CTBP2: variants seen among roughly 807,000 people sequenced by gnomAD.
CTBP2 encodes the protein C-terminal-binding protein 2.
A neutral mutation model predicts 80.3 loss-of-function variants in CTBP2; 30 were observed. The observed-to-expected ratio is 0.37, with a 90% CI of 0.28 to 0.51. The LOEUF (loss-of-function observed/expected upper bound fraction) is 0.51. Among genes scored for constraint, CTBP2 ranks in the 20% least tolerant of loss-of-function variants. The pLI is 0.93. For synonymous variants in CTBP2, 594 were observed against 587.4 expected, an observed-to-expected ratio of 1.01 and a Z score of -0.16; for missense variants, 1,212 against 1,375.3, an observed-to-expected ratio of 0.88 and a Z score of 1.88.
chr10:125,092,431 C>T (rs1234116808), intron 2 of CTBP2, among the ~76,000 whole-genome samples: 1 of 152,086 alleles, frequency 6.6e-6, no homozygotes, highest in Non-Finnish European at 1.5e-5. Flanking sequence ...TCCATCCTGC[C>T]TCCACCTCCC....
At chr10:125,025,622 G>A (rs566626430) in intron 1 of CTBP2, among the ~76,000 whole-genome samples, 3 of 152,272 alleles carry the variant, frequency 2.0e-5, no homozygotes, top group South Asian at 2.1e-4. Context: ...TGAGAGGTAC[G>A]TTTCCACACG....
chr10:125,157,980 C>T (rs1263811216), intron 1 of CTBP2, among the ~76,000 whole-genome samples: 2 of 152,176 alleles, frequency 1.3e-5, no homozygotes, highest in East Asian at 3.8e-4. Context: ...CTCTACGATA[C>T]AGTCTCTGCT....
At chr10:125,017,466 G>C (rs1448881169) in intron 1 of CTBP2, among the ~76,000 whole-genome samples, 3 of 152,170 alleles carry the variant, frequency 2.0e-5, no homozygotes, top group Non-Finnish European at 4.4e-5. Context: ...CTTGTGTACA[G>C]GATTGCACGG....
At chr10:125,151,730 G>C (rs1222784342) in intron 1 of CTBP2, among the ~76,000 whole-genome samples, 2 of 152,210 alleles carry the variant, frequency 1.3e-5, no homozygotes, top group Non-Finnish European at 2.9e-5. Flanking sequence ...TCGAGTGCGG[G>C]CTGGGGGCCA....
chr10:125,038,501 A>G (rs1959117177), intron 3 of CTBP2, among the ~76,000 whole-genome samples: 1 of 152,126 alleles, frequency 6.6e-6, no homozygotes, highest in Non-Finnish European at 1.5e-5. Flanking sequence ...GATTTTAATT[A>G]TGTTTATTTT....
At chr10:125,003,755 C>G (rs994192536) in intron 1 of CTBP2, among the ~76,000 whole-genome samples, 1 of 152,166 alleles carries the variant, frequency 6.6e-6, no homozygotes, top group Non-Finnish European at 1.5e-5. Flanking sequence ...AGCCTCAGGA[C>G]CATGGGGCCC....
At chr10:125,064,443 C>T (rs1203230463) in intron 2 of CTBP2, among the ~76,000 whole-genome samples, 2 of 152,090 alleles carry the variant, frequency 1.3e-5, no homozygotes, top group African/African-American at 4.8e-5. Flanking sequence ...AAACAGCGTT[C>T]TTGGTGAGGA....
chr10:125,003,474 A>G lies in CTBP2; in HGVS notation c.1697T>C (p.Met566Thr), dbSNP rs1589996423. The G allele has an allele frequency of 6.4e-7, 1 of 1,569,822 alleles. No individual in the cohort carries two copies. Among genetic ancestry groups the G allele is most frequent in the East Asian group, 2.3e-5 (1 of 44,224 alleles). Reference sequence around the variant, plus strand: ...GGGGCGGGGGTGCAGGGGGCCGTTCATGATCTGGGGGCGGATACCTGCCAG... The same window carrying G: ...GGGGCGGGGGTGCAGGGGGCCGTTCGTGATCTGGGGGCGGATACCTGCCAG... Residue 566 changes from methionine (M) to threonine (T), a missense_variant, in exon 2 of 9, where the codon ATG becomes ACG. Physicochemically the swap from Met to Thr is moderately conservative, Grantham distance 81. This residue lies in a region of CTBP2 where 29 missense variants were observed against 88.3 expected (regional missense o/e 0.33). Transcript: ENST00000309035.
chr10:125,117,867 A>G (rs1853599486), intron 1 of CTBP2, among the ~76,000 whole-genome samples: 1 of 152,256 alleles, frequency 6.6e-6, no homozygotes. Flanking sequence ...GAGGCACTTC[A>G]GGTGAAATCA....
chr10:125,079,078 C>G (rs559556239), intron 2 of CTBP2, among the ~76,000 whole-genome samples: 1 of 142,540 alleles, frequency 7.0e-6, no homozygotes, highest in South Asian at 2.2e-4. Flanking sequence ...ACCCAGGAGG[C>G]AAAGGTTGCA....
intron 1 of CTBP2, among the ~76,000 whole-genome samples, chr10:125,146,401 C>T (rs939178202): frequency 5.9e-5 from 9 of 151,788 alleles, no homozygotes; most frequent in African/African-American, 1.9e-4. Context: ...CTGCCTCAGA[C>T]TCCCAAATAG....
At chr10:125,068,537 C>G (rs1844986375) in intron 2 of CTBP2, among the ~76,000 whole-genome samples, 1 of 152,178 alleles carries the variant, frequency 6.6e-6, no homozygotes, top group Non-Finnish European at 1.5e-5. Flanking sequence ...TTCAGGGCAG[C>G]AGGAAGGCCA....
chr10:125,047,463 A>T (rs1961551191), intron 2 of CTBP2, among the ~76,000 whole-genome samples: 1 of 152,104 alleles, frequency 6.6e-6, no homozygotes, highest in Non-Finnish European at 1.5e-5. Flanking sequence ...TCATGCAGAG[A>T]AACTGGGCAC....
chr10:125,006,568 G>A (rs1399517687), intron 1 of CTBP2, among the ~76,000 whole-genome samples: 1 of 152,268 alleles, frequency 6.6e-6, no homozygotes, highest in Non-Finnish European at 1.5e-5. Context: ...GCCTGGGGCA[G>A]AGGTTTCTGG....
At position 124,997,964 on chromosome 10, in the gene CTBP2, C is replaced by A; in HGVS notation, c.2185G>T (p.Gly729Cys). The A allele has an allele frequency of 6.2e-7, 1 of 1,611,472 alleles. No individual in the cohort carries two copies. The highest frequency in any genetic ancestry group is 8.5e-7 in the Non-Finnish European group (1 of 1,179,476). The change falls in exon 4 of 9, where the codon GGT (glycine) becomes TGT (cysteine). Residue 729 changes from glycine (G) to cysteine (C), a missense_variant and splice_region_variant. This residue lies in a region of CTBP2 where 335 missense variants were observed against 504.7 expected (regional missense o/e 0.66). Coordinates refer to ENST00000309035, the MANE Select transcript of CTBP2 (RefSeq NM_022802.3). ...GGTCAGCGCAGAGGGTGGCACGTAC[C>A]AAAGCCAATGAGGCCCAGCGTCTCC...
chr10:125,072,558 G>C (rs373967982), intron 2 of CTBP2, among the ~76,000 whole-genome samples: 1 of 146,754 alleles, frequency 6.8e-6, no homozygotes. Flanking sequence ...GGAGGCTGCA[G>C]TGAGCCAGGA....
At chr10:125,010,219 TAAAAAAAAAAAA>T (rs59517853) in intron 1 of CTBP2, among the ~76,000 whole-genome samples, 2 of 105,988 alleles carry the variant, frequency 1.9e-5, no homozygotes, top group African/African-American at 3.7e-5. Flanking sequence ...ATTTTAAGGT[TAAAAAAAAAAAA>T]AAAAAAAAAA....
intron 2 of CTBP2, among the ~76,000 whole-genome samples, chr10:125,079,608 G>T (rs1254701436): frequency 1.3e-5 from 2 of 152,106 alleles, no homozygotes; most frequent in African/African-American, 4.8e-5. Flanking sequence ...CAGAAGGGTG[G>T]GCCGAGCACT....
At chr10:125,029,157 CCTCA>C (rs1346373003), upstream of CTBP2, among the ~76,000 whole-genome samples, 1 of 152,154 alleles carries the variant, frequency 6.6e-6, no homozygotes, top group African/African-American at 2.4e-5. Context: ...GAGTGCTGTT[CCTCA>C]CTCACATCTC....
Sources: gnomAD v4.1 joint callset for allele counts (sites outside exome capture counted in the v4.1 genomes callset) on GRCh38, gnomAD v4.1.1 for gene constraint, gnomAD v4.1.1 regional missense constraint, MANE v1.5 for transcripts, NCBI Gene and HGNC (gene_info 2026-07-23, HGNC 2026-07-21) for gene names.